Variants in GPHN observed in about 807,000 individuals in gnomAD.
GPHN encodes gephyrin.
A neutral mutation model predicts 95.5 loss-of-function variants in GPHN; 17 were observed. That is an observed-to-expected ratio of 0.18 (90% confidence interval 0.12 to 0.27). The LOEUF (loss-of-function observed/expected upper bound fraction) is 0.27, where lower values mean the gene tolerates loss of function less well. Among genes scored for constraint, GPHN ranks in the 10% least tolerant of loss-of-function variants. The pLI is 1.00. For missense variants in GPHN, 660 were observed against 978.1 expected, an observed-to-expected ratio of 0.67 and a Z score of 4.34; for synonymous variants, 320 against 322.5, an observed-to-expected ratio of 0.99 and a Z score of 0.08.
chr14:66,870,865 A>AT (rs1425808214), intron 4 of GPHN, among the ~76,000 whole-genome samples: 1 of 152,176 alleles, frequency 6.6e-6, no homozygotes, highest in Non-Finnish European at 1.5e-5. Flanking sequence ...ACGGTGAACA[A>AT]TTCAGATGCT....
chr14:66,746,183 C>G (rs1452100662), intron 2 of GPHN, among the ~76,000 whole-genome samples: 1 of 152,078 alleles, frequency 6.6e-6, no homozygotes, highest in East Asian at 1.9e-4. Flanking sequence ...TTTCATTTCT[C>G]TATAAATACC....
At chr14:67,572,256 C>G in the GPHN span, 2 of 1,603,958 alleles carry the variant, frequency 1.2e-6, no homozygotes, top group South Asian at 1.1e-5. Context: ...CCTACTCCAC[C>G]GACGGGCTGG....
intron 18 of GPHN, among the ~76,000 whole-genome samples, chr14:67,148,469 A>G (rs979688170): frequency 1.7e-4 from 26 of 152,010 alleles, no homozygotes; most frequent in Admixed American, 1.7e-3. Context: ...AGCAAAGAAT[A>G]GTCTTCATAA....
chr14:67,555,955 A>G, the GPHN span: 2 of 1,579,858 alleles, frequency 1.3e-6, no homozygotes, highest in Non-Finnish European at 1.7e-6. Context: ...GGCCCTTCCC[A>G]CGGACACAGG....
At chr14:67,274,370 T>G in the GPHN span, among the ~76,000 whole-genome samples, 1 of 152,238 alleles carries the variant, frequency 6.6e-6, no homozygotes, top group African/African-American at 2.4e-5. Context: ...CACCATTTAT[T>G]AAATAGGGCA....
the GPHN span, among the ~76,000 whole-genome samples, chr14:67,681,465 A>C: frequency 6.6e-6 from 1 of 152,068 alleles, no homozygotes; most frequent in African/African-American, 2.4e-5. Flanking sequence ...ATGAAGGTTG[A>C]CCCCTACCTC....
the GPHN span, among the ~76,000 whole-genome samples, chr14:67,197,707 G>A: frequency 2.0e-5 from 3 of 152,118 alleles, no homozygotes; most frequent in Admixed American, 1.3e-4. Flanking sequence ...AAAGGGATTG[G>A]AGAATCCTGC....
the GPHN span, chr14:67,585,684 C>A: frequency 7.1e-7 from 1 of 1,407,294 alleles, no homozygotes; most frequent in Non-Finnish European, 9.8e-7. Context: ...GCTCCCTGAC[C>A]CCTCCTCTTC....
rs779754996 is a variant in GPHN at position 66,824,432 on chromosome 14, G to A, written c.202-42G>A. On this transcript the variant is annotated intron_variant, in intron 3 of 22. Coordinates refer to ENST00000478722, the MANE Select transcript of GPHN (RefSeq NM_020806.5). Reference sequence around the variant, plus strand: ...GGACTGGGATGTTTTGAGCAAGCAGGCAAATTTTTCTGCACATGACTATAC... The same window carrying A: ...GGACTGGGATGTTTTGAGCAAGCAGACAAATTTTTCTGCACATGACTATAC... 7 of 1,016,616 alleles carry A rather than the reference G, an allele frequency of 6.9e-6. No homozygotes were observed. In the East Asian group the frequency reaches 1.7e-4, roughly 24 times the overall value. The allele number at this position is 1,016,616 out of a possible 1,614,324, so 63.0% of individuals were successfully genotyped here. A position where few individuals can be genotyped will look rare whatever the true frequency, so the allele number is the denominator to read the frequency against.
intron 9 of GPHN, among the ~76,000 whole-genome samples, chr14:66,986,127 G>A (rs1173416360): frequency 8.2e-6 from 1 of 122,244 alleles, no homozygotes; most frequent in Non-Finnish European, 1.5e-5. Context: ...GCTTTTTTTT[G>A]TAAAAAAAAT....
intron 10 of GPHN, among the ~76,000 whole-genome samples, chr14:67,052,414 C>G (rs1004375527): frequency 6.6e-6 from 1 of 151,166 alleles, no homozygotes; most frequent in Non-Finnish European, 1.5e-5. Flanking sequence ...GAAGTGCTAA[C>G]TATCCTAAAT....
the GPHN span, among the ~76,000 whole-genome samples, chr14:67,636,201 A>G: frequency 6.6e-6 from 1 of 152,066 alleles, no homozygotes; most frequent in Admixed American, 6.6e-5. Flanking sequence ...TTGACTTGCT[A>G]TGAGCCCTGG....
chr14:67,027,190 C>T (rs964384150), intron 10 of GPHN, among the ~76,000 whole-genome samples: 7 of 152,098 alleles, frequency 4.6e-5, no homozygotes, highest in Non-Finnish European at 5.9e-5. Context: ...AATTCATTTC[C>T]GTCAACCACT....
At chr14:67,390,719 G>A in the GPHN span, 43 of 1,613,210 alleles carry the variant, frequency 2.7e-5, no homozygotes, top group African/African-American at 8.0e-5. Flanking sequence ...ACAAAGCGAC[G>A]CACCTTCCAG....
chr14:67,395,426 T>C, the GPHN span: 5 of 1,613,838 alleles, frequency 3.1e-6, no homozygotes, highest in African/African-American at 1.3e-5. Context: ...CGGGGGCAGC[T>C]TGAAGGAGTT....
At chr14:67,332,542 A>C in the GPHN span, among the ~76,000 whole-genome samples, 2 of 152,294 alleles carry the variant, frequency 1.3e-5, no homozygotes, top group Middle Eastern at 3.4e-3. Flanking sequence ...TGAAAACCTA[A>C]ATAGTGGTAT....
At chr14:67,602,191 G>T in the GPHN span, among the ~76,000 whole-genome samples, 3,925 of 152,268 alleles carry the variant, frequency 0.026, 163 homozygotes, top group African/African-American at 0.089. Flanking sequence ...TTACAATAAT[G>T]GTGGAAGGCA....
the GPHN span, among the ~76,000 whole-genome samples, chr14:67,558,216 C>T: frequency 6.6e-6 from 1 of 152,182 alleles, no homozygotes; most frequent in Non-Finnish European, 1.5e-5. Context: ...ACCCAGCTTT[C>T]CCCTCGTGCC....
chr14:67,392,383 G>T, the GPHN span: 1 of 1,613,918 alleles, frequency 6.2e-7, no homozygotes, highest in Non-Finnish European at 8.5e-7. Context: ...CAGTGCTCAG[G>T]CTAATTTCTT....
Sources: gnomAD v4.1 joint callset for allele counts (sites outside exome capture counted in the v4.1 genomes callset) on GRCh38, gnomAD v4.1.1 for gene constraint, MANE v1.5 for transcripts, NCBI Gene and HGNC (gene_info 2026-07-23, HGNC 2026-07-21) for gene names.